ABCA4: variants seen among roughly 807,000 people sequenced by gnomAD.
ABCA4 encodes the protein retinal-specific phospholipid-transporting ATPase ABCA4.
Under a neutral mutation model 263.7 loss-of-function variants are expected in ABCA4, and 196 were observed. That is an observed-to-expected ratio of 0.74 (90% confidence interval 0.66 to 0.84). The LOEUF (loss-of-function observed/expected upper bound fraction) is 0.84. Among genes scored for constraint, ABCA4 ranks in the 40% least tolerant of loss-of-function variants. ABCA4 has a pLI of 0.00. For missense variants in ABCA4, 2,792 were observed against 2,855.1 expected, an observed-to-expected ratio of 0.98 and a Z score of 0.50; for synonymous variants, 1,133 against 1,094.2, an observed-to-expected ratio of 1.04 and a Z score of -0.70.
intron 5 of ABCA4, among the ~76,000 whole-genome samples, chr1:94,099,974 CTCCTAGAG>C (rs1048063207): frequency 6.6e-6 from 1 of 152,156 alleles, no homozygotes; most frequent in African/African-American, 2.4e-5. Context: ...CCTTAACTGG[CTCCTAGAG>C]TCCTGGACTC....
chr1:94,008,284 G>T lies in ABCA4; in HGVS notation c.5849C>A (p.Thr1950Asn), dbSNP rs1215922056. The T allele has an allele frequency of 3.1e-6, 5 of 1,614,042 alleles. No individual in the cohort carries two copies. The Admixed American group carries it at 6.7e-5, about 22-fold the overall frequency. ...CAGCCTGTCCACTGCTGGGCTGGAG[G>T]TGCCTGGATAAATCTGCAAGATACG... Reference protein sequence around the residue: ...LHELTKIYPGTSSPAVDRLCV... With the variant: ...LHELTKIYPGNSSPAVDRLCV... The change falls in exon 42 of 50, where the codon ACC becomes AAC. Residue 1950 changes from threonine to asparagine, a missense_variant. Thr to Asn is a moderately conservative substitution (Grantham distance 65). Transcript: ENST00000370225.
rs996911156 is a variant in ABCA4 at position 94,008,664 on chromosome 1, T to C, written c.5835+87A>G. ...GGGAACCAAATTGCTTGCATAAGCA[T>C]ATCAATTGTTCTATAGAAGGAAAAT... On this transcript the variant is annotated intron_variant, in intron 41 of 49. Coordinates refer to ENST00000370225, the MANE Select transcript of ABCA4 (RefSeq NM_000350.3). 7.8e-5 allele frequency: 123 copies of C among 1,578,978 alleles called. No individual in the cohort carries two copies. The Admixed American group carries it at 2.0e-3, about 26-fold the overall frequency.
chr1:94,046,852 T>C lies in ABCA4; in HGVS notation c.2918+67A>G, dbSNP rs998179417. 7.0e-6 allele frequency: 11 copies of C among 1,579,298 alleles called. No individual in the cohort carries two copies. In the Admixed American group the frequency reaches 1.0e-4, roughly 14 times the overall value. On this transcript the variant is annotated intron_variant, in intron 19 of 49. Coordinates refer to ENST00000370225, the MANE Select transcript of ABCA4 (RefSeq NM_000350.3). ...GTGGGAAAGAGTAGACAGCCGCTGATAGGGAAAGACTAAGCCAGGAAATGA... is the reference window on the plus strand; with the variant it reads ...GTGGGAAAGAGTAGACAGCCGCTGACAGGGAAAGACTAAGCCAGGAAATGA...
At chr1:94,096,601 T>C (rs138821856) in intron 6 of ABCA4, among the ~76,000 whole-genome samples, 1,955 of 152,228 alleles carry the variant, frequency 0.013, 44 homozygotes, top group African/African-American at 0.044. Flanking sequence ...CAAGGCAGCA[T>C]GTGAAGACGT....
chr1:94,080,432 A>T (rs1161232758), intron 8 of ABCA4, 46 bp downstream of exon 8: 8 of 1,612,720 alleles, frequency 5.0e-6, no homozygotes, highest in Non-Finnish European at 6.8e-6. Context: ...CCATCAACTT[A>T]ACCAACATGA....
intron 22 of ABCA4, among the ~76,000 whole-genome samples, chr1:94,042,131 A>G (rs1251232352): frequency 1.3e-5 from 2 of 151,720 alleles, no homozygotes; most frequent in African/African-American, 2.4e-5. Context: ...GAAAAGAAAG[A>G]AAGAAAATAG....
chr1:94,057,660 A>G (rs948819607), intron 14 of ABCA4, among the ~76,000 whole-genome samples: 2 of 152,224 alleles, frequency 1.3e-5, no homozygotes, highest in African/African-American at 2.4e-5. Flanking sequence ...ATTTCCTAGA[A>G]CCTGCTGGCA....
chr1:94,044,698 C>A lies in ABCA4; in HGVS notation c.2965G>T (p.Val989Phe). Residue 989 changes from valine (V) to phenylalanine (F), a missense_variant, in exon 20 of 50, where the codon GTT becomes TTT. Transcript: ENST00000370225. ...CTGGTTTCAATGTCCCTTCCCCCAA[C>A]GAGCACAGTCCCAGAGGTTGGTGGC... ...LLPPTSGTVL[V>F]GGRDIETSLD... is the part of the protein sequence containing the mutation. 1.9e-6 allele frequency: 3 copies of A among 1,614,196 alleles called. No homozygotes were observed. The highest frequency in any genetic ancestry group is 4.5e-5 in the East Asian group (2 of 44,872).
At chr1:94,056,865 C>A (rs370557272) in intron 14 of ABCA4, 43 bp from the exon 15 acceptor site, 1 of 1,495,482 alleles carries the variant, frequency 6.7e-7, no homozygotes. Context: ...TGCCCTTGGC[C>A]GGACGCCTTC....
chr1:94,073,904 C>T (rs184603524), intron 11 of ABCA4, among the ~76,000 whole-genome samples: 306 of 152,308 alleles, frequency 2.0e-3, no homozygotes, highest in African/African-American at 6.6e-3. Context: ...CTCTCTCCTC[C>T]GTCCACACCC....
At chr1:94,018,668 G>A (rs1659807997) in intron 36 of ABCA4, 1 of 446,258 alleles carries the variant, frequency 2.2e-6, no homozygotes, top group African/African-American at 2.0e-5. Context: ...GCTCATGTTG[G>A]TCTTAAAATG....
chr1:94,041,524 A>C (rs371458003), intron 22 of ABCA4, 122 bp from the exon 23 acceptor site: 4 of 788,668 alleles, frequency 5.1e-6, no homozygotes, highest in South Asian at 3.4e-5. Flanking sequence ...AAAAAAAAAA[A>C]CCCAAGGGAA....
At chr1:94,087,078 G>A (rs1661851870) in intron 6 of ABCA4, among the ~76,000 whole-genome samples, 1 of 152,112 alleles carries the variant, frequency 6.6e-6, no homozygotes, top group South Asian at 2.1e-4. Flanking sequence ...GGCTTTCTGG[G>A]GTTTTACAAG....
chr1:94,053,223 T>C (rs1309393689), intron 16 of ABCA4, among the ~76,000 whole-genome samples: 2 of 152,190 alleles, frequency 1.3e-5, no homozygotes, highest in Non-Finnish European at 2.9e-5. Context: ...AGTACAGGAT[T>C]TTGGCAAAAG....
At chr1:94,051,604 C>A (rs1338936531) in intron 17 of ABCA4, 29 bp downstream of exon 17, 5 of 1,587,280 alleles carry the variant, frequency 3.2e-6, no homozygotes, top group Non-Finnish European at 4.3e-6. Context: ...TGATTTCAAA[C>A]ATTAAGATTT....
At chr1:94,098,004 G>A (rs953616962) in intron 6 of ABCA4, among the ~76,000 whole-genome samples, 20 of 152,250 alleles carry the variant, frequency 1.3e-4, no homozygotes, top group Middle Eastern at 3.4e-3. Flanking sequence ...TGATCCGCCC[G>A]CCTCGGCCTC....
rs565706043 is a variant in ABCA4, at chr1:94,014,136, A to T, written c.5460+407T>A. Among the ~76,000 whole-genome samples, 3 of 152,302 alleles carry T rather than the reference A, an allele frequency of 2.0e-5. No individual in the cohort carries two copies. In the South Asian group the frequency reaches 6.2e-4, roughly 32 times the overall value. On this transcript the variant is annotated intron_variant, in intron 38 of 49. Coordinates refer to ENST00000370225, the MANE Select transcript of ABCA4 (RefSeq NM_000350.3). Reference sequence around the variant, plus strand: ...TTTGCTTGCAGAATAAACACAGAAAACCATTTCATTCAGAGCACAGAAATG... The same window carrying T: ...TTTGCTTGCAGAATAAACACAGAAATCCATTTCATTCAGAGCACAGAAATG...
chr1:94,066,526 C>T (rs1184900261), intron 11 of ABCA4, among the ~76,000 whole-genome samples: 8 of 152,194 alleles, frequency 5.3e-5, no homozygotes, highest in Admixed American at 3.3e-4. Flanking sequence ...ATAGAATGTT[C>T]TACCAGTTCA....
chr1:94,117,019 T>TTTCTTTCTTTCTTTCTTTC (rs981462171), intron 1 of ABCA4, among the ~76,000 whole-genome samples: 5 of 144,416 alleles, frequency 3.5e-5, no homozygotes, highest in African/African-American at 1.0e-4. Flanking sequence ...TCTTTCTTTC[T>TTTCTTTCTTTCTTTCTTTC]TTCTTTCCTT....
Sources: gnomAD v4.1 joint callset for allele counts (sites outside exome capture counted in the v4.1 genomes callset) on GRCh38, gnomAD v4.1.1 for gene constraint, MANE v1.5 for transcripts, NCBI Gene and HGNC (gene_info 2026-07-23, HGNC 2026-07-21) for gene names.